TEKT5: variants seen among roughly 807,000 people sequenced by gnomAD.
TEKT5 encodes tektin-5.
Under a neutral mutation model 48.7 loss-of-function variants are expected in TEKT5, and 52 were observed. That is an observed-to-expected ratio of 1.07 (90% CI 0.86 to 1.35). The LOEUF (loss-of-function observed/expected upper bound fraction) is 1.35. TEKT5 is among the 40% of genes most tolerant of loss of function. The probability of loss-of-function intolerance (pLI) is 0.00; values close to 1 mark genes in which losing one functional copy is unlikely to be tolerated. For missense variants in TEKT5, 831 were observed against 641.6 expected, an observed-to-expected ratio of 1.30 and a Z score of -3.19; for synonymous variants, 318 against 267.6, an observed-to-expected ratio of 1.19 and a Z score of -1.84.
chr16:10,683,618 T>G (rs1440398754), intron 3 of TEKT5, among the ~76,000 whole-genome samples: 1 of 152,228 alleles, frequency 6.6e-6, no homozygotes, highest in African/African-American at 2.4e-5. Context: ...GAGATGGAGT[T>G]TTCCTTTTGT....
chr16:10,638,374 T>C (rs1274249184), intron 5 of TEKT5, among the ~76,000 whole-genome samples: 3 of 151,072 alleles, frequency 2.0e-5, no homozygotes, highest in Non-Finnish European at 4.4e-5. Context: ...GTTCTGCTGG[T>C]CACGGTGTCC....
intron 2 of TEKT5, 45 bp from the exon 3 acceptor site, chr16:10,689,368 A>C: frequency 2.6e-6 from 4 of 1,514,928 alleles, no homozygotes; most frequent in Non-Finnish European, 3.7e-6. Context: ...TTAGAACCTC[A>C]CAGTCTTCTC....
At chr16:10,676,841 T>C (rs76121732) in intron 4 of TEKT5, among the ~76,000 whole-genome samples, 4,430 of 151,964 alleles carry the variant, frequency 0.029, 220 homozygotes, top group African/African-American at 0.1. Flanking sequence ...AGGAGGGAGA[T>C]TGACAGTGAA....
chr16:10,649,462 G>T (rs1278802102), intron 5 of TEKT5, among the ~76,000 whole-genome samples: 1 of 149,000 alleles, frequency 6.7e-6, no homozygotes, highest in Non-Finnish European at 1.5e-5. Flanking sequence ...TTTTAACACA[G>T]GTTCTCTGTC....
chr16:10,650,658 C>T (rs1398621285), intron 5 of TEKT5, among the ~76,000 whole-genome samples: 6 of 151,740 alleles, frequency 4.0e-5, no homozygotes, highest in South Asian at 2.1e-4. Context: ...CCAAGGCAGG[C>T]GGATCATCTG....
At chr16:10,636,821 A>C (rs1347045236) in intron 5 of TEKT5, among the ~76,000 whole-genome samples, 2 of 150,306 alleles carry the variant, frequency 1.3e-5, no homozygotes, top group Non-Finnish European at 3.0e-5. Context: ...CATTATTATT[A>C]TTATTATTAT....
chr16:10,663,112 C>A (rs2466120), intron 5 of TEKT5, among the ~76,000 whole-genome samples: 65,460 of 151,848 alleles, frequency 0.43, 14,861 homozygotes, highest in East Asian at 0.64. Context: ...GGTCTCTGGC[C>A]ATGCATGGGG....
intron 5 of TEKT5, among the ~76,000 whole-genome samples, chr16:10,667,737 T>C (rs1258879794): frequency 6.6e-6 from 1 of 152,248 alleles, no homozygotes; most frequent in East Asian, 1.9e-4. Context: ...TTAATATTTT[T>C]CTTCAAATCA....
At chr16:10,676,503 A>G (rs1365801667) in intron 4 of TEKT5, among the ~76,000 whole-genome samples, 1 of 152,148 alleles carries the variant, frequency 6.6e-6, no homozygotes, top group African/African-American at 2.4e-5. Flanking sequence ...AGAACCCTAA[A>G]GAGAGCAGCT....
At chr16:10,678,243 C>T (rs927605979) in intron 4 of TEKT5, among the ~76,000 whole-genome samples, 2 of 152,030 alleles carry the variant, frequency 1.3e-5, no homozygotes, top group African/African-American at 2.4e-5. Context: ...GGACTACAGG[C>T]GAGTGCCACC....
At chr16:10,677,492 C>T (rs1490601189) in intron 4 of TEKT5, among the ~76,000 whole-genome samples, 4 of 146,698 alleles carry the variant, frequency 2.7e-5, no homozygotes, top group Admixed American at 2.0e-4. Flanking sequence ...CGCCTGTAAT[C>T]CCAGCTACTC....
At chr16:10,680,890 A>G (rs1339303580) in intron 4 of TEKT5, among the ~76,000 whole-genome samples, 1 of 149,362 alleles carries the variant, frequency 6.7e-6, no homozygotes, top group Non-Finnish European at 1.5e-5. Flanking sequence ...GGATAGCATT[A>G]GGAGATATAC....
At chr16:10,663,712 T>G (rs1323585252) in intron 5 of TEKT5, among the ~76,000 whole-genome samples, 1 of 152,160 alleles carries the variant, frequency 6.6e-6, no homozygotes, top group Non-Finnish European at 1.5e-5. Context: ...TTGGGGGCTG[T>G]TTAGCACAGC....
chr16:10,694,595 G>C lies in TEKT5; in HGVS notation c.279C>G (p.Asp93Glu). 6.2e-7 allele frequency: 1 copy of C among 1,608,470 alleles called. No individual in the cohort carries two copies. Among genetic ancestry groups the C allele is most frequent in the Non-Finnish European group, 8.5e-7 (1 of 1,177,212 alleles). The change falls in exon 1 of 7, where the codon GAC becomes GAG. Residue 93 changes from aspartate (D) to glutamate (E), a missense_variant. Transcript: ENST00000283025. ...CCTGCAGCTGGTTGGACTGGTCCCAGTCGTGGGGGCTATAGCGAGAGAAGA... is the reference window on the plus strand; with the variant it reads ...CCTGCAGCTGGTTGGACTGGTCCCACTCGTGGGGGCTATAGCGAGAGAAGA... ...SALFSRYSPHDWDQSNQLQVR... is the reference protein window; with the variant it reads ...SALFSRYSPHEWDQSNQLQVR...
chr16:10,634,906 C>T (rs141845111), intron 6 of TEKT5, among the ~76,000 whole-genome samples: 1 of 152,136 alleles, frequency 6.6e-6, no homozygotes, highest in African/African-American at 2.4e-5. Context: ...TTGCAACCTG[C>T]GGAAGACCCT....
chr16:10,673,608 G>A (rs1004706736), intron 5 of TEKT5, among the ~76,000 whole-genome samples: 1 of 150,192 alleles, frequency 6.7e-6, no homozygotes, highest in Non-Finnish European at 1.5e-5. Context: ...CCACTCCCTG[G>A]GCCTCTTCTG....
intron 5 of TEKT5, among the ~76,000 whole-genome samples, chr16:10,649,300 G>A (rs2430638): frequency 0.1 from 15,836 of 151,394 alleles, 936 homozygotes; most frequent in African/African-American, 0.17. Flanking sequence ...TTGTAGAGAT[G>A]GGGTCTTGCT....
intron 1 of TEKT5, among the ~76,000 whole-genome samples, chr16:10,690,933 G>C (rs967445381): frequency 1.3e-5 from 2 of 152,214 alleles, no homozygotes; most frequent in African/African-American, 4.8e-5. Context: ...GATTTCCGGA[G>C]CCCCTTCTGT....
At chr16:10,660,278 AG>A (rs1370460229) in intron 5 of TEKT5, among the ~76,000 whole-genome samples, 3 of 152,192 alleles carry the variant, frequency 2.0e-5, no homozygotes, top group Non-Finnish European at 4.4e-5. Context: ...AATGTGGCTC[AG>A]AAAAAGAGCC....
Sources: allele counts gnomAD v4.1 joint callset (sites outside exome capture counted in the v4.1 genomes callset), GRCh38; gene constraint gnomAD v4.1.1; transcripts MANE v1.5; gene names NCBI Gene and HGNC (gene_info 2026-07-23, HGNC 2026-07-21).